RIMKLB: variants seen among roughly 807,000 people sequenced by gnomAD.
The protein encoded by RIMKLB is ribosomal modification protein rimK like family member B, also known as beta-citrylglutamate synthase B.
RIMKLB carries 7 observed loss-of-function variants against 32.0 expected under a neutral mutation model. That is an observed-to-expected ratio of 0.22 (90% confidence interval 0.12 to 0.41). The LOEUF (loss-of-function observed/expected upper bound fraction) is 0.41, where lower values mean the gene tolerates loss of function less well. RIMKLB is among the 10% of genes least tolerant of loss of function. The pLI, the probability that RIMKLB is intolerant of heterozygous loss-of-function variation, is 1.00. For synonymous variants in RIMKLB, 172 were observed against 185.1 expected, an observed-to-expected ratio of 0.93 and a Z score of 0.57; for missense variants, 289 against 498.7, an observed-to-expected ratio of 0.58 and a Z score of 4.00.
intron 2 of RIMKLB, chr12:8,742,379 G>C (rs1038530753): frequency 4.3e-6 from 1 of 233,274 alleles, no homozygotes; most frequent in African/African-American, 2.3e-5. Context: ...CCTAGAGAGG[G>C]AGGGGTCCAT....
intron 5 of RIMKLB, among the ~76,000 whole-genome samples, chr12:8,766,083 G>A (rs1308490525): frequency 6.6e-6 from 1 of 151,978 alleles, no homozygotes; most frequent in African/African-American, 2.4e-5. Context: ...CTTAGGAGAT[G>A]TACTTTGCCT....
chr12:8,749,403 GT>G (rs1948436761), intron 2 of RIMKLB, among the ~76,000 whole-genome samples: 1 of 152,104 alleles, frequency 6.6e-6, no homozygotes, highest in Admixed American at 6.6e-5. Flanking sequence ...TAGAGTTGGG[GT>G]TTCACCATGT....
chr12:8,726,726 G>A (rs1946045819), intron 2 of RIMKLB, among the ~76,000 whole-genome samples: 1 of 149,662 alleles, frequency 6.7e-6, no homozygotes, highest in Non-Finnish European at 1.5e-5. Flanking sequence ...TTTTCTTATA[G>A]ATGGCACGTA....
chr12:8,710,306 T>TC (rs1944266325), intron 1 of RIMKLB, among the ~76,000 whole-genome samples: 2 of 144,912 alleles, frequency 1.4e-5, no homozygotes, highest in African/African-American at 2.7e-5. Flanking sequence ...TTTGTTTCCT[T>TC]CTTTTTTTTT....
chr12:8,731,108 T>A (rs1591785980), intron 2 of RIMKLB, among the ~76,000 whole-genome samples: 1 of 151,576 alleles, frequency 6.6e-6, no homozygotes, highest in African/African-American at 2.4e-5. Flanking sequence ...CTTTTTCTTT[T>A]TCTTTGAGAC....
rs891357506 is a variant in RIMKLB at position 8,775,275 on chromosome 12, T to C, written c.*1491T>C. ...TTATTTAGTAGTATTGAGTCTCTTA[T>C]AGCCCTACTCTTAAGCCTTCAATAC... is the stretch of plus-strand genomic sequence containing the variant. On this transcript the variant is annotated 3_prime_UTR_variant, in exon 6 of 6. Transcript: ENST00000535829. 1.2e-5 allele frequency: 12 copies of C among 985,414 alleles called. No individual in the cohort carries two copies. The African/African-American group carries it at 1.7e-4, about 14-fold the overall frequency. The allele number at this position is 985,414 out of a possible 1,614,324, so 61.0% of individuals were successfully genotyped here. A position where few individuals can be genotyped will look rare whatever the true frequency, so the allele number is the denominator to read the frequency against.
At chr12:8,743,354 CAAAAAAA>C (rs60066068) in intron 2 of RIMKLB, among the ~76,000 whole-genome samples, 1,729 of 65,186 alleles carry the variant, frequency 0.027, 57 homozygotes, top group African/African-American at 0.095. Context: ...GAGTCTGTCT[CAAAAAAA>C]AAAAAAAAAA....
chr12:8,718,395 C>T (rs940504939), intron 2 of RIMKLB, among the ~76,000 whole-genome samples: 1 of 152,140 alleles, frequency 6.6e-6, no homozygotes, highest in African/African-American at 2.4e-5. Flanking sequence ...CCTGTAATCC[C>T]AGCACTTTGG....
At position 8,776,958 on chromosome 12, in the gene RIMKLB, A is replaced by G. The variant is rs896112718; in HGVS notation, c.*3174A>G. Reference sequence around the variant, plus strand: ...TTTGGGGCTTGTGGGGCTTAGAGACATTGTGAAATCAAATCTTGTGTTATA... The same window carrying G: ...TTTGGGGCTTGTGGGGCTTAGAGACGTTGTGAAATCAAATCTTGTGTTATA... On this transcript the variant is annotated 3_prime_UTR_variant, in exon 6 of 6. Transcript: ENST00000535829. 2.0e-6 allele frequency: 2 copies of G among 985,732 alleles called. No individual in the cohort carries two copies. Among genetic ancestry groups the G allele is most frequent in the African/African-American group, 1.7e-5 (1 of 57,218 alleles). 61.1% of individuals were successfully genotyped at this position (985,732 alleles called of 1,614,324 possible). A position where few individuals can be genotyped will look rare whatever the true frequency, so the allele number is the denominator to read the frequency against.
chr12:8,776,279 T>G lies in RIMKLB; in HGVS notation c.*2495T>G, dbSNP rs1222632833. 5.1e-5 allele frequency: 50 copies of G among 978,386 alleles called. No homozygotes were observed. The highest frequency in any genetic ancestry group is 6.2e-5 in the Admixed American group (1 of 16,206). 60.6% of individuals were successfully genotyped at this position (978,386 alleles called of 1,614,324 possible). A position where few individuals can be genotyped will look rare whatever the true frequency, so the allele number is the denominator to read the frequency against. ...GATATTAAAACGTACACTCACATGT[T>G]AGAATGAAAAGAGCAGTAGTTATCT... On this transcript the variant is annotated 3_prime_UTR_variant, in exon 6 of 6. Transcript: ENST00000535829.
At position 8,754,012 on chromosome 12, in the gene RIMKLB, G is replaced by C; in HGVS notation, c.616G>C (p.Val206Leu). ...VKESHGRDVR[V>L]IVVGGRVVGT... Reference sequence around the variant, plus strand: ...AGAGTCTCATGGACGGGATGTACGTGTCATTGTCGTGGGAGGCCGTGTGGT... The same window carrying C: ...AGAGTCTCATGGACGGGATGTACGTCTCATTGTCGTGGGAGGCCGTGTGGT... The change falls in exon 5 of 6, where the codon GTC becomes CTC. Residue 206 changes from valine (V) to leucine (L), a missense_variant. Transcript: ENST00000535829. The C allele has an allele frequency of 6.2e-7, 1 of 1,614,030 alleles. No individual in the cohort carries two copies.
At chr12:8,761,387 A>G (rs763190079) in intron 5 of RIMKLB, among the ~76,000 whole-genome samples, 5 of 150,520 alleles carry the variant, frequency 3.3e-5, no homozygotes, top group Non-Finnish European at 4.4e-5. Flanking sequence ...TGTTTTTTTC[A>G]TATTTTATTT....
chr12:8,717,622 T>C (rs1392461871), intron 2 of RIMKLB, among the ~76,000 whole-genome samples: 3 of 152,230 alleles, frequency 2.0e-5, no homozygotes, highest in African/African-American at 7.2e-5. Context: ...CCAGATATAA[T>C]GTAAAAGGCT....
At chr12:8,675,193 G>C in the RIMKLB span, among the ~76,000 whole-genome samples, 8,087 of 152,252 alleles carry the variant, frequency 0.053, 638 homozygotes, top group African/African-American at 0.17. Flanking sequence ...AGCTGTCACA[G>C]AAGAACCTCT....
chr12:8,698,959 C>G (rs1361599543), intron 1 of RIMKLB, among the ~76,000 whole-genome samples: 1 of 151,950 alleles, frequency 6.6e-6, no homozygotes, highest in Non-Finnish European at 1.5e-5. Context: ...CTCACCCCCC[C>G]CCAAAAAAAA....
At chr12:8,748,047 C>T (rs1320033500) in intron 2 of RIMKLB, among the ~76,000 whole-genome samples, 2 of 152,076 alleles carry the variant, frequency 1.3e-5, no homozygotes, top group Non-Finnish European at 1.5e-5. Flanking sequence ...TGAGCCACCA[C>T]CCAGCCAATA....
At chr12:8,741,092 G>T (rs1332899338) in intron 2 of RIMKLB, among the ~76,000 whole-genome samples, 2 of 152,298 alleles carry the variant, frequency 1.3e-5, no homozygotes, top group East Asian at 3.9e-4. Context: ...TGTAGTCCCA[G>T]CTACTTGGGA....
chr12:8,748,766 A>C (rs1455424559), intron 2 of RIMKLB, among the ~76,000 whole-genome samples: 1 of 151,964 alleles, frequency 6.6e-6, no homozygotes, highest in African/African-American at 2.4e-5. Flanking sequence ...GTAAAACTCC[A>C]TCTCTACTAA....
intron 2 of RIMKLB, among the ~76,000 whole-genome samples, chr12:8,723,616 A>G (rs1376150957): frequency 6.6e-6 from 1 of 152,160 alleles, no homozygotes; most frequent in African/African-American, 2.4e-5. Flanking sequence ...GCATGCTTGT[A>G]TATTTAATCT....
Sources: gnomAD v4.1 joint callset for allele counts (sites outside exome capture counted in the v4.1 genomes callset) on GRCh38, gnomAD v4.1.1 for gene constraint, MANE v1.5 for transcripts, NCBI Gene and HGNC (gene_info 2026-07-23, HGNC 2026-07-21) for gene names.